The following RAD54L2 variants were observed in gnomAD, a reference collection of about 807,000 sequenced individuals.
The protein encoded by RAD54L2 is helicase ARIP4.
A neutral mutation model predicts 138.4 loss-of-function variants in RAD54L2; 27 were observed. That is an observed-to-expected ratio of 0.20 (90% CI 0.14 to 0.27). The LOEUF (loss-of-function observed/expected upper bound fraction) is 0.27, where lower values mean the gene tolerates loss of function less well. Among genes scored for constraint, RAD54L2 ranks in the 10% least tolerant of loss-of-function variants. The pLI is 1.00. For synonymous variants in RAD54L2, 644 were observed against 723.2 expected (o/e 0.89, Z 1.76); for missense variants, 1,396 against 1,890.2 (o/e 0.74, Z 4.85).
At chr3:51,557,063 C>T (rs1016488108) in intron 2 of RAD54L2, among the ~76,000 whole-genome samples, 4 of 152,124 alleles carry the variant, frequency 2.6e-5, no homozygotes, top group South Asian at 2.1e-4. Context: ...TTGGCATACA[C>T]GTACAACTGT....
chr3:51,632,986 G>A (rs1236844211), intron 7 of RAD54L2, among the ~76,000 whole-genome samples: 2 of 151,874 alleles, frequency 1.3e-5, no homozygotes, highest in South Asian at 2.1e-4. Flanking sequence ...TTGAGAGACC[G>A]AGGGGGGCAG....
chr3:51,654,943 T>C (rs879400974), intron 19 of RAD54L2, among the ~76,000 whole-genome samples: 19 of 152,142 alleles, frequency 1.2e-4, no homozygotes, highest in Admixed American at 7.9e-4. Flanking sequence ...TTCTGTTACA[T>C]TGATACCTGA....
At chr3:51,597,329 C>T (rs761175680) in intron 3 of RAD54L2, among the ~76,000 whole-genome samples, 1 of 151,976 alleles carries the variant, frequency 6.6e-6, no homozygotes, top group Non-Finnish European at 1.5e-5. Context: ...TTAGTTCCTC[C>T]ATTTGTGGTT....
intron 12 of RAD54L2, 89 bp from the exon 13 acceptor site, chr3:51,639,330 G>A: frequency 6.8e-7 from 1 of 1,472,672 alleles, no homozygotes; most frequent in Non-Finnish European, 9.3e-7. Context: ...GGACGTGTGT[G>A]TTTGAGCAAG....
At chr3:51,587,516 G>A (rs1283431991) in intron 2 of RAD54L2, among the ~76,000 whole-genome samples, 1 of 152,040 alleles carries the variant, frequency 6.6e-6, no homozygotes, top group African/African-American at 2.4e-5. Flanking sequence ...GTCCCTTAAT[G>A]CCCTTTGCAG....
At chr3:51,630,412 C>G in intron 6 of RAD54L2, 24 bp downstream of exon 6, 1 of 1,585,332 alleles carries the variant, frequency 6.3e-7, no homozygotes, top group Non-Finnish European at 8.7e-7. Context: ...AGGTGCCTCC[C>G]TTTCTTCCGA....
At chr3:51,547,542 T>C (rs1698727482) in intron 2 of RAD54L2, among the ~76,000 whole-genome samples, 1 of 152,088 alleles carries the variant, frequency 6.6e-6, no homozygotes. Flanking sequence ...AAGCATACTT[T>C]GCGTATGTAT....
At chr3:51,546,396 C>T (rs550686527) in intron 2 of RAD54L2, among the ~76,000 whole-genome samples, 19 of 148,456 alleles carry the variant, frequency 1.3e-4, no homozygotes, top group Middle Eastern at 8.4e-3. Context: ...ATCCCAGCAC[C>T]TTAGGAGGCT....
intron 3 of RAD54L2, among the ~76,000 whole-genome samples, chr3:51,625,674 C>T (rs973263076): frequency 6.6e-6 from 1 of 151,794 alleles, no homozygotes; most frequent in Non-Finnish European, 1.5e-5. Flanking sequence ...GCCTGGCCAA[C>T]ATATCGAGAC....
intron 14 of RAD54L2, among the ~76,000 whole-genome samples, chr3:51,641,150 G>A (rs1701124292): frequency 6.6e-6 from 1 of 151,796 alleles, no homozygotes; most frequent in Non-Finnish European, 1.5e-5. Context: ...CCACAGGCAC[G>A]TGCCACCATG....
intron 5 of RAD54L2, 104 bp downstream of exon 5, chr3:51,629,577 G>C: frequency 7.1e-7 from 1 of 1,411,176 alleles, no homozygotes; most frequent in East Asian, 2.5e-5. Flanking sequence ...GTGGCCTCTC[G>C]GCTGGGCGCG....
At chr3:51,573,720 C>G (rs188870637) in intron 2 of RAD54L2, among the ~76,000 whole-genome samples, 119 of 152,280 alleles carry the variant, frequency 7.8e-4, no homozygotes, top group African/African-American at 2.8e-3. Flanking sequence ...GCCACTGCGC[C>G]TGGCCCAAAT....
chr3:51,660,502 G>A (rs1559658858), intron 22 of RAD54L2, among the ~76,000 whole-genome samples: 1 of 151,718 alleles, frequency 6.6e-6, no homozygotes, highest in East Asian at 1.9e-4. Flanking sequence ...TAGTAGAGAC[G>A]GCTTTTCACC....
chr3:51,592,684 C>T (rs1482453302), intron 3 of RAD54L2, among the ~76,000 whole-genome samples: 1 of 151,826 alleles, frequency 6.6e-6, no homozygotes, highest in Non-Finnish European at 1.5e-5. Context: ...TAGCAATTCT[C>T]CTGCCTCAGC....
chr3:51,542,202 A>T (rs1429609417), intron 2 of RAD54L2, among the ~76,000 whole-genome samples: 1 of 152,236 alleles, frequency 6.6e-6, no homozygotes, highest in Non-Finnish European at 1.5e-5. Flanking sequence ...GGCCTAATAC[A>T]GCCTTCTTTG....
chr3:51,559,930 T>G (rs1356469232), intron 2 of RAD54L2, among the ~76,000 whole-genome samples: 1 of 152,230 alleles, frequency 6.6e-6, no homozygotes, highest in African/African-American at 2.4e-5. Flanking sequence ...GATACTGTTT[T>G]GTATGTTTCA....
chr3:51,553,915 C>T (rs980793136), intron 2 of RAD54L2, among the ~76,000 whole-genome samples: 2 of 152,134 alleles, frequency 1.3e-5, no homozygotes, highest in African/African-American at 4.8e-5. Flanking sequence ...AATGTATATA[C>T]CTTAATTTTA....
chr3:51,656,570 C>G (rs555102163), intron 20 of RAD54L2, among the ~76,000 whole-genome samples: 3 of 152,182 alleles, frequency 2.0e-5, no homozygotes, highest in Admixed American at 2.0e-4. Context: ...TTGTCACTTG[C>G]GTCTACCTTT....
rs530125477 is a variant in RAD54L2 at position 51,627,780 on chromosome 3, G to A, written c.341+26G>A. 34 of 1,610,504 alleles carry A rather than the reference G, an allele frequency of 2.1e-5. No individual in the cohort carries two copies. In the South Asian group the frequency reaches 3.4e-4, roughly 16 times the overall value. On this transcript the variant is annotated intron_variant, in intron 4 of 22. Transcript: ENST00000684192. ...GTGAGCTGTGCTCTGTGTAAGAGGA[G>A]AGGGAAAGGAATAGAGATTTTACCT...
Sources: gnomAD v4.1 joint callset for allele counts (sites outside exome capture counted in the v4.1 genomes callset) on GRCh38, gnomAD v4.1.1 for gene constraint, MANE v1.5 for transcripts, NCBI Gene and HGNC (gene_info 2026-07-23, HGNC 2026-07-21) for gene names.